CALN1: variants seen among roughly 807,000 people sequenced by gnomAD.
The protein encoded by CALN1 is calneuron 1.
In CALN1, 17 loss-of-function variants were observed where a neutral mutation model predicts 30.6. The observed-to-expected ratio is 0.56, with a 90% confidence interval of 0.38 to 0.83. The LOEUF (loss-of-function observed/expected upper bound fraction) is 0.83. Among genes scored for constraint, CALN1 ranks in the 40% least tolerant of loss-of-function variants. CALN1 has a pLI of 0.00. For synonymous variants in CALN1, 156 were observed against 131.4 expected (o/e 1.19, Z -1.28); for missense variants, 291 against 354.9 (o/e 0.82, Z 1.45).
At chr7:72,305,118 A>T (rs1799562151) in intron 2 of CALN1, among the ~76,000 whole-genome samples, 3 of 152,218 alleles carry the variant, frequency 2.0e-5, no homozygotes, top group Non-Finnish European at 4.4e-5. Flanking sequence ...CCGTGTTAAC[A>T]GCTGGCTGTG....
intron 4 of CALN1, among the ~76,000 whole-genome samples, chr7:72,028,056 C>T (rs1417366233): frequency 1.3e-5 from 1 of 76,764 alleles, no homozygotes; most frequent in Non-Finnish European, 2.6e-5. Flanking sequence ...GAGACTCCGT[C>T]TCAAAAAAAA....
At chr7:72,168,798 TA>T (rs1788717008) in intron 3 of CALN1, among the ~76,000 whole-genome samples, 4 of 118,368 alleles carry the variant, frequency 3.4e-5, no homozygotes, top group Admixed American at 8.8e-5. Context: ...TTATTATTAT[TA>T]TTATTATTTT....
intron 3 of CALN1, among the ~76,000 whole-genome samples, chr7:72,228,502 G>A (rs1793847425): frequency 1.3e-5 from 2 of 151,716 alleles, no homozygotes; most frequent in South Asian, 4.2e-4. Flanking sequence ...TAATTTGATG[G>A]TATATAAACT....
rs1804214099 is a variant in CALN1 at position 72,371,065 on chromosome 7, A to AAG, written c.119+32184_119+32185dup. On this transcript the variant is annotated intron_variant, in intron 2 of 6. Coordinates refer to ENST00000395275, the MANE Select transcript of CALN1 (RefSeq NM_031468.4). Reference sequence around the variant, plus strand: ...TAAGTCTCAAAAAAAAAAAAAAAAAAAGAGAGGGCTCTTAATTTTGATAAA... The same window carrying AAG: ...TAAGTCTCAAAAAAAAAAAAAAAAAAAGAGAGAGGGCTCTTAATTTTGATAAA... 7.9e-5 allele frequency among the ~76,000 whole-genome samples: 12 copies of AAG among 151,748 alleles called. No homozygotes were observed. In the South Asian group the frequency reaches 2.5e-3, roughly 32 times the overall value.
At chr7:72,114,484 T>A (rs919303775) in intron 3 of CALN1, among the ~76,000 whole-genome samples, 19 of 151,384 alleles carry the variant, frequency 1.3e-4, no homozygotes, top group African/African-American at 4.6e-4. Context: ...TGGAGACAGG[T>A]GATGCTGAAA....
chr7:72,390,513 G>T (rs913103924), intron 2 of CALN1, among the ~76,000 whole-genome samples: 2 of 152,054 alleles, frequency 1.3e-5, no homozygotes, highest in South Asian at 4.2e-4. Flanking sequence ...CCAGCCAGGG[G>T]GCCCAAGAAT....
intron 2 of CALN1, among the ~76,000 whole-genome samples, chr7:72,326,645 C>T (rs1585497281): frequency 1.3e-5 from 2 of 152,308 alleles, no homozygotes; most frequent in Admixed American, 1.3e-4. Flanking sequence ...AGTAATTAGG[C>T]CTGTTATCAG....
Position 71,783,719 on chromosome 7 carries a change from G to C in CALN1, c.*4056C>G, listed in dbSNP as rs878991930. The C allele has an allele frequency of 6.6e-6, 1 of 152,658 alleles. No homozygotes were observed. Among genetic ancestry groups the C allele is most frequent in the Non-Finnish European group, 1.5e-5 (1 of 68,044 alleles). The allele number at this position is 152,658 out of a possible 1,614,324, so 9.5% of individuals were successfully genotyped here. ...AGTCTGGACTTAAACCGAGTACGAG[G>C]CATTTGGAATAAAAGGTAAACTTTT... On this transcript the variant is annotated 3_prime_UTR_variant, in exon 7 of 7. Transcript: ENST00000395275.
intron 3 of CALN1, among the ~76,000 whole-genome samples, chr7:72,200,045 C>T (rs956768394): frequency 5.3e-5 from 8 of 152,162 alleles, no homozygotes; most frequent in Non-Finnish European, 7.4e-5. Flanking sequence ...GACTTTGCAG[C>T]TTCTATGGCA....
rs3064969 is a variant in CALN1 at position 71,965,568 on chromosome 7, C to CAACA, written c.501+58085_501+58088dup. On this transcript the variant is annotated intron_variant, in intron 5 of 6. Coordinates refer to ENST00000395275, the MANE Select transcript of CALN1 (RefSeq NM_031468.4). ...AGAGCTGCTATTTGAAAAACAGTAACAACAAACAAACAAACAAACAAACAA... is the reference window on the plus strand; with the variant it reads ...AGAGCTGCTATTTGAAAAACAGTAACAACAAACAAACAAACAAACAAACAAACAA... Among the ~76,000 whole-genome samples, 1,241 of 151,812 alleles carry CAACA rather than the reference C, an allele frequency of 8.2e-3. 7 individuals carry two copies. The highest frequency in any genetic ancestry group is 0.031 in the South Asian group (149 of 4,794).
intron 2 of CALN1, among the ~76,000 whole-genome samples, chr7:72,293,073 T>C (rs996140403): frequency 6.8e-6 from 1 of 147,120 alleles, no homozygotes; most frequent in South Asian, 2.1e-4. Flanking sequence ...CCTTCCTTCC[T>C]TTCTTTCTAA....
In CALN1 at chr7:72,132,109, G is replaced by A. The variant is rs147980706; in HGVS notation, c.245-25815C>T. Reference sequence around the variant, plus strand: ...ACACAAAAACATATTGATCAATATCGCTCTATAGATGCCCCCTCAACTTAG... The same window carrying A: ...ACACAAAAACATATTGATCAATATCACTCTATAGATGCCCCCTCAACTTAG... On this transcript the variant is annotated intron_variant, in intron 3 of 6. Coordinates refer to ENST00000395275, the MANE Select transcript of CALN1 (RefSeq NM_031468.4). Among the ~76,000 whole-genome samples, 59 of 152,102 alleles carry A rather than the reference G, an allele frequency of 3.9e-4. No homozygotes were observed. The East Asian group carries it at 9.9e-3, about 25-fold the overall frequency.
Position 71,788,201 on chromosome 7 carries a change from T to C in CALN1, c.659-299A>G, listed in dbSNP as rs1584208376. Reference sequence around the variant, plus strand: ...ATTTTCTGATAGAATAGAGCCAGAGTGACTTTCAGAGCCCGGAAATATGGG... The same window carrying C: ...ATTTTCTGATAGAATAGAGCCAGAGCGACTTTCAGAGCCCGGAAATATGGG... On this transcript the variant is annotated intron_variant, in intron 6 of 6. Transcript: ENST00000395275. Among the ~76,000 whole-genome samples the C allele has an allele frequency of 3.3e-5, 5 of 152,088 alleles. No homozygotes were observed. In the South Asian group the frequency reaches 1.0e-3, roughly 32 times the overall value.
At chr7:71,961,647 T>C (rs895046359) in intron 5 of CALN1, among the ~76,000 whole-genome samples, 3 of 152,148 alleles carry the variant, frequency 2.0e-5, no homozygotes, top group Admixed American at 1.3e-4. Context: ...CCACAAGCCA[T>C]TCCCTCCCTG....
At chr7:72,259,183 T>C (rs113549540) in intron 3 of CALN1, among the ~76,000 whole-genome samples, 24 of 152,176 alleles carry the variant, frequency 1.6e-4, no homozygotes, top group African/African-American at 3.1e-4. Flanking sequence ...CCAGCCACCA[T>C]TGACCACCTT....
rs1793020011 is a variant in CALN1, at chr7:71,787,088, TAGG to T, written c.*684_*686del. 6.5e-6 allele frequency: 1 copy of T among 152,736 alleles called. No homozygotes were observed. The highest frequency in any genetic ancestry group is 2.4e-5 in the African/African-American group (1 of 41,448). 9.5% of individuals were successfully genotyped at this position (152,736 alleles called of 1,614,324 possible). On this transcript the variant is annotated 3_prime_UTR_variant, in exon 7 of 7. Coordinates refer to ENST00000395275, the MANE Select transcript of CALN1 (RefSeq NM_031468.4). ...CAAAATGCTGGTGCGGGATGGGCTC[TAGG>T]AACAGAAAGCCAAGTGCCGACGGAA...
chr7:72,112,537 A>C (rs1807654985), intron 3 of CALN1, among the ~76,000 whole-genome samples: 1 of 152,188 alleles, frequency 6.6e-6, no homozygotes. Flanking sequence ...AAAGCTATGG[A>C]AATGCACCGG....
intron 2 of CALN1, among the ~76,000 whole-genome samples, chr7:72,387,849 G>C (rs1211321743): frequency 2.0e-5 from 3 of 152,164 alleles, no homozygotes; most frequent in African/African-American, 7.2e-5. Context: ...TCCCATAGAA[G>C]TTGAAAGTAG....
At chr7:72,375,408 A>G (rs900535001) in intron 2 of CALN1, among the ~76,000 whole-genome samples, 2 of 152,048 alleles carry the variant, frequency 1.3e-5, no homozygotes, top group Middle Eastern at 3.4e-3. Context: ...GCAAAAAAAT[A>G]AAACAGATTA....
Sources: gnomAD v4.1 joint callset for allele counts (sites outside exome capture counted in the v4.1 genomes callset) on GRCh38, gnomAD v4.1.1 for gene constraint, MANE v1.5 for transcripts, NCBI Gene and HGNC (gene_info 2026-07-23, HGNC 2026-07-21) for gene names.